Variants in PTPN3 observed in about 807,000 individuals in gnomAD.
The protein encoded by PTPN3 is tyrosine-protein phosphatase non-receptor type 3.
Under a neutral mutation model 132.7 loss-of-function variants are expected in PTPN3, and 96 were observed. The ratio of observed to expected loss-of-function variants is 0.72; its 90% CI spans 0.61 to 0.86. PTPN3 has a LOEUF of 0.86. PTPN3 is among the 40% of genes least tolerant of loss of function. The pLI is 0.00. For missense variants in PTPN3, 1,125 were observed against 1,159.6 expected (o/e 0.97, Z 0.43); for synonymous variants, 398 against 429.0 (o/e 0.93, Z 0.89).
chr9:109,440,333 G>A (rs1432301986), intron 7 of PTPN3, among the ~76,000 whole-genome samples: 1 of 152,236 alleles, frequency 6.6e-6, no homozygotes, highest in Non-Finnish European at 1.5e-5. Context: ...AGCGCACATG[G>A]TGCGTTCACA....
At chr9:109,485,529 ATAAAAATAAAAAG>A (rs944365859) in intron 1 of PTPN3, among the ~76,000 whole-genome samples, 6 of 152,080 alleles carry the variant, frequency 3.9e-5, no homozygotes, top group East Asian at 3.8e-4. Context: ...AAATAAATAA[ATAAAAATAAAAAG>A]TAAAAATAAA....
At chr9:109,445,117 A>G in intron 7 of PTPN3, 123 bp downstream of exon 7, 2 of 927,268 alleles carry the variant, frequency 2.2e-6, no homozygotes, top group Non-Finnish European at 3.5e-6. Context: ...ACAGCCAGAG[A>G]TATGCTGCCC....
chr9:109,514,155 A>T, the PTPN3 span, among the ~76,000 whole-genome samples: 1 of 152,026 alleles, frequency 6.6e-6, no homozygotes, highest in African/African-American at 2.4e-5. Flanking sequence ...CCCAAGCCCC[A>T]CTTTCTATTT....
At chr9:109,384,174 C>A (rs944578752) in intron 22 of PTPN3, among the ~76,000 whole-genome samples, 2 of 152,126 alleles carry the variant, frequency 1.3e-5, no homozygotes, top group Non-Finnish European at 2.9e-5. Context: ...AGTACTTAGC[C>A]ACTGTAGGGG....
intron 22 of PTPN3, among the ~76,000 whole-genome samples, chr9:109,386,728 G>T (rs1588292827): frequency 1.3e-5 from 2 of 152,288 alleles, no homozygotes; most frequent in African/African-American, 4.8e-5. Flanking sequence ...TGCACAGAAG[G>T]TACCAGTCTC....
At chr9:109,533,126 A>ATTTTTTTTTTTTTTTTTTT in the PTPN3 span, among the ~76,000 whole-genome samples, 3 of 36,554 alleles carry the variant, frequency 8.2e-5, 1 homozygote, top group Non-Finnish European at 9.0e-5. Context: ...TACCTGGCTA[A>ATTTTTTTTTTTTTTTTTTT]TTTTTTTTTT....
chr9:109,454,474 A>C (rs1845454600), intron 5 of PTPN3, 22 bp downstream of exon 5: 1 of 1,594,522 alleles, frequency 6.3e-7, no homozygotes, highest in Non-Finnish European at 8.6e-7. Flanking sequence ...CTAAACAGAA[A>C]ACTTTAAAAA....
intron 2 of PTPN3, among the ~76,000 whole-genome samples, chr9:109,459,048 A>C (rs1845701077): frequency 6.6e-6 from 1 of 152,124 alleles, no homozygotes. Context: ...TGACTGCCTG[A>C]CTCAGGTCTG....
At chr9:109,528,025 T>A in the PTPN3 span, among the ~76,000 whole-genome samples, 1 of 152,232 alleles carries the variant, frequency 6.6e-6, no homozygotes, top group Non-Finnish European at 1.5e-5. Flanking sequence ...AACATCATTA[T>A]GCATTAGGCT....
intron 5 of PTPN3, chr9:109,451,037 T>A (rs77728224): frequency 1.0e-6 from 1 of 961,860 alleles, no homozygotes; most frequent in South Asian, 4.8e-5. Context: ...TATTTTTCAT[T>A]TTTTTAATTT....
At chr9:109,433,667 A>G (rs946109267) in intron 9 of PTPN3, among the ~76,000 whole-genome samples, 5 of 152,214 alleles carry the variant, frequency 3.3e-5, no homozygotes, top group African/African-American at 1.2e-4. Context: ...GCACTTTACG[A>G]GGCCAAGGAG....
At chr9:109,480,943 G>C (rs1250877271) in intron 1 of PTPN3, among the ~76,000 whole-genome samples, 3 of 152,160 alleles carry the variant, frequency 2.0e-5, no homozygotes, top group African/African-American at 7.2e-5. Context: ...TGCATGGTTG[G>C]ATGGTTGATG....
chr9:109,451,370 G>A (rs368714120), intron 5 of PTPN3: 6 of 971,878 alleles, frequency 6.2e-6, no homozygotes, highest in African/African-American at 1.8e-5. Context: ...ACTCCACAAC[G>A]GGATACCACC....
At chr9:109,382,481 C>T (rs774587504) in intron 23 of PTPN3, 34 bp from the exon 24 acceptor site, 1 of 1,611,902 alleles carries the variant, frequency 6.2e-7, no homozygotes, top group African/African-American at 1.3e-5. Flanking sequence ...GTGAGCCCAT[C>T]CAGGTGGTGA....
chr9:109,458,597 T>C (rs1845679437), intron 2 of PTPN3, among the ~76,000 whole-genome samples: 1 of 152,134 alleles, frequency 6.6e-6, no homozygotes, highest in Non-Finnish European at 1.5e-5. Flanking sequence ...AGAGACTTCT[T>C]TGGGGCAGCC....
intron 2 of PTPN3, among the ~76,000 whole-genome samples, chr9:109,459,224 C>T (rs1845710045): frequency 6.6e-6 from 1 of 152,264 alleles, no homozygotes; most frequent in South Asian, 2.1e-4. Context: ...AAGAGGTCAT[C>T]TTCACGGCAC....
rs1564361892 is a variant in PTPN3, at chr9:109,377,459, A to ACACACACACACAC, written c.*2096_*2097insGTGTGTGTGTGTG. 1 of 104,492 alleles carries ACACACACACACAC rather than the reference A, an allele frequency of 9.6e-6. No individual in the cohort carries two copies. Among genetic ancestry groups the ACACACACACACAC allele is most frequent in the African/African-American group, 3.8e-5 (1 of 26,072 alleles). The allele number at this position is 104,492 out of a possible 1,614,324, so 6.5% of individuals were successfully genotyped here. On this transcript the variant is annotated 3_prime_UTR_variant, in exon 26 of 26. Transcript: ENST00000374541. ...ACACACACACACACACACACACACA[A>ACACACACACACAC]GCCAGGTGAGGTGGCATGTGCCTAT...
intron 19 of PTPN3, among the ~76,000 whole-genome samples, chr9:109,398,105 C>T (rs1482207997): frequency 6.6e-6 from 1 of 152,130 alleles, no homozygotes; most frequent in Non-Finnish European, 1.5e-5. Flanking sequence ...GAAACCCCAT[C>T]TCTACTTAAA....
In PTPN3 at chr9:109,378,157, C is replaced by A. The variant is rs1838731650; in HGVS notation, c.*1399G>T. 6.6e-6 allele frequency: 1 copy of A among 152,312 alleles called. No individual in the cohort carries two copies. The highest frequency in any genetic ancestry group is 2.1e-4 in the South Asian group (1 of 4,828). The allele number at this position is 152,312 out of a possible 1,614,324, so 9.4% of individuals were successfully genotyped here. A position where few individuals can be genotyped will look rare whatever the true frequency, so the allele number is the denominator to read the frequency against. On this transcript the variant is annotated 3_prime_UTR_variant, in exon 26 of 26. Transcript: ENST00000374541. ...TATGTGCATTATAATATGAAAACAT[C>A]TTTTCTATAAATACCATTAAGAACC...
Sources: gnomAD v4.1 joint callset for allele counts (sites outside exome capture counted in the v4.1 genomes callset) on GRCh38, gnomAD v4.1.1 for gene constraint, MANE v1.5 for transcripts, NCBI Gene and HGNC (gene_info 2026-07-23, HGNC 2026-07-21) for gene names.